Variants in SCARA3 observed in about 807,000 individuals in gnomAD.
The protein encoded by SCARA3 is cellular stress response gene protein.
Under a neutral mutation model 47.0 loss-of-function variants are expected in SCARA3, and 39 were observed. The ratio of observed to expected loss-of-function variants is 0.83; its 90% CI spans 0.64 to 1.08. The LOEUF (loss-of-function observed/expected upper bound fraction) is 1.08. Among genes scored for constraint, SCARA3 ranks in the 50% least tolerant of loss-of-function variants. The pLI is 0.00. For synonymous variants in SCARA3, 356 were observed against 334.1 expected, an observed-to-expected ratio of 1.07 and a Z score of -0.71; for missense variants, 724 against 792.3, an observed-to-expected ratio of 0.91 and a Z score of 1.04.
In SCARA3 at chr8:27,659,181, C is replaced by T; in HGVS notation, c.1011C>T (p.Asn337=). The T allele has an allele frequency of 6.2e-7, 1 of 1,614,182 alleles. No homozygotes were observed. The highest frequency in any genetic ancestry group is 8.5e-7 in the Non-Finnish European group (1 of 1,180,030). The change falls in exon 5 of 6, where the codon AAC becomes AAT. Residue 337 remains asparagine (N), a synonymous_variant. Transcript: ENST00000301904. The stretch of plus-strand genomic sequence containing the variant: ...AGTACCATACCCACTACGCCCAGAA[C>T]CGCACTGTGGAGAGGTTTGAGTCTC... The part of the protein sequence containing the change: ...DLQYHTHYAQ[N]RTVERFESLE...
downstream of SCARA3, among the ~76,000 whole-genome samples, chr8:27,681,452 A>G (rs1802353011): frequency 6.6e-6 from 1 of 152,210 alleles, no homozygotes; most frequent in South Asian, 2.1e-4. Context: ...GACTGGGTGC[A>G]GTGGCTTACT....
rs548032727 is a variant in SCARA3 at position 27,655,597 on chromosome 8, C to T, written c.227-1185C>T. On this transcript the variant is annotated intron_variant, in intron 3 of 5. Coordinates refer to ENST00000301904, the MANE Select transcript of SCARA3 (RefSeq NM_016240.3). ...TTCAAAAATGTTAATACCCTAGGTC[C>T]CATAATTCTATTTTAAGCAATTTAT... is the stretch of plus-strand genomic sequence containing the variant. 3.3e-5 allele frequency among the ~76,000 whole-genome samples: 5 copies of T among 152,064 alleles called. No homozygotes were observed. In the South Asian group the frequency reaches 1.0e-3, roughly 32 times the overall value.
downstream of SCARA3, among the ~76,000 whole-genome samples, chr8:27,677,280 G>A (rs934491958): frequency 6.6e-6 from 1 of 152,184 alleles, no homozygotes; most frequent in Non-Finnish European, 1.5e-5. Flanking sequence ...ATAGTCTTAT[G>A]GGAAGAAGAA....
the SCARA3 span, among the ~76,000 whole-genome samples, chr8:27,682,140 A>G: frequency 1.3e-5 from 2 of 152,300 alleles, no homozygotes; most frequent in East Asian, 1.9e-4. Context: ...ATAATAGTCA[A>G]TTGCATTTTT....
At chr8:27,689,965 A>G in the SCARA3 span, among the ~76,000 whole-genome samples, 1 of 152,198 alleles carries the variant, frequency 6.6e-6, no homozygotes. Flanking sequence ...CTCTACCAAA[A>G]TAAATAAATA....
Position 27,655,575 on chromosome 8 carries a change from A to T in SCARA3, c.227-1207A>T, listed in dbSNP as rs534356452. 2.2e-4 allele frequency among the ~76,000 whole-genome samples: 34 copies of T among 152,352 alleles called. 1 individual carries two copies. Among genetic ancestry groups the T allele is most frequent in the African/African-American group, 7.7e-4 (32 of 41,584 alleles). ...TTTGGCAGCTTGTATCAAGGACTTC[A>T]AAAATGTTAATACCCTAGGTCCCAT... is the stretch of plus-strand genomic sequence containing the variant. On this transcript the variant is annotated intron_variant, in intron 3 of 5. Coordinates refer to ENST00000301904, the MANE Select transcript of SCARA3 (RefSeq NM_016240.3).
rs1801446411 is a variant in SCARA3, at chr8:27,644,299, A to G, written c.8-5403A>G. Among the ~76,000 whole-genome samples, 3 of 152,310 alleles carry G rather than the reference A, an allele frequency of 2.0e-5. No individual in the cohort carries two copies. In the South Asian group the frequency reaches 6.2e-4, roughly 32 times the overall value. ...TGCGATTTGGGTAGTAATCACTGCA[A>G]GAAGATTGGGGCCTGGCTGTGCCTT... On this transcript the variant is annotated intron_variant, in intron 1 of 5. Transcript: ENST00000301904.
chr8:27,644,945 C>T (rs1017054630), intron 1 of SCARA3, among the ~76,000 whole-genome samples: 39 of 152,090 alleles, frequency 2.6e-4, no homozygotes, highest in African/African-American at 8.9e-4. Flanking sequence ...CAAACAAGAA[C>T]CCTTGGAGCT....
the SCARA3 span, among the ~76,000 whole-genome samples, chr8:27,690,208 T>G: frequency 6.6e-6 from 1 of 152,170 alleles, no homozygotes; most frequent in Non-Finnish European, 1.5e-5. Context: ...AGCGTATATC[T>G]TGGTATCTCT....
the SCARA3 span, among the ~76,000 whole-genome samples, chr8:27,731,579 T>G: frequency 6.8e-6 from 1 of 146,976 alleles, no homozygotes; most frequent in Non-Finnish European, 1.5e-5. Flanking sequence ...GAGACGGAGG[T>G]TGCAGTGAGC....
At chr8:27,709,903 G>A in the SCARA3 span, among the ~76,000 whole-genome samples, 9 of 152,164 alleles carry the variant, frequency 5.9e-5, no homozygotes, top group South Asian at 1.9e-3. Flanking sequence ...GGACCCAGCT[G>A]TCAGGATCCC....
chr8:27,682,412 C>A, the SCARA3 span, among the ~76,000 whole-genome samples: 12 of 152,024 alleles, frequency 7.9e-5, no homozygotes, highest in Admixed American at 7.9e-4. Context: ...AATTGATAAG[C>A]TGGATTTTAT....
intron 1 of SCARA3, among the ~76,000 whole-genome samples, chr8:27,648,693 C>A (rs1308561566): frequency 6.6e-6 from 1 of 151,860 alleles, no homozygotes; most frequent in East Asian, 1.9e-4. Flanking sequence ...AAAATGTAGA[C>A]ATTAAATAAA....
chr8:27,713,439 C>G, the SCARA3 span, among the ~76,000 whole-genome samples: 1 of 152,188 alleles, frequency 6.6e-6, no homozygotes, highest in Non-Finnish European at 1.5e-5. Flanking sequence ...AATCAATAAG[C>G]GTTTCACGGA....
chr8:27,656,628 G>A (rs773957537), intron 3 of SCARA3, among the ~76,000 whole-genome samples, 154 bp from the exon 4 acceptor site: 7 of 152,114 alleles, frequency 4.6e-5, no homozygotes, highest in African/African-American at 1.7e-4. Flanking sequence ...CTGGCCATAA[G>A]AAGTATCTTC....
At chr8:27,722,180 C>T in the SCARA3 span, among the ~76,000 whole-genome samples, 6 of 152,186 alleles carry the variant, frequency 3.9e-5, no homozygotes, top group South Asian at 6.2e-4. Flanking sequence ...AATATGTATT[C>T]GATTGTGGTT....
downstream of SCARA3, among the ~76,000 whole-genome samples, chr8:27,679,559 C>T (rs1361460366): frequency 6.6e-6 from 1 of 152,100 alleles, no homozygotes; most frequent in Non-Finnish European, 1.5e-5. Context: ...AGTGATAGGT[C>T]AAGTAGGCTA....
chr8:27,692,083 T>C, the SCARA3 span, among the ~76,000 whole-genome samples: 1 of 152,132 alleles, frequency 6.6e-6, no homozygotes, highest in African/African-American at 2.4e-5. Flanking sequence ...TATACCCTCC[T>C]CCCTTTGGAA....
At chr8:27,637,570 C>T (rs902262800) in intron 1 of SCARA3, among the ~76,000 whole-genome samples, 1 of 152,104 alleles carries the variant, frequency 6.6e-6, no homozygotes, top group Non-Finnish European at 1.5e-5. Context: ...CTGAGCACCA[C>T]TTGGGGAGCG....
Sources: allele counts gnomAD v4.1 joint callset (sites outside exome capture counted in the v4.1 genomes callset), GRCh38; gene constraint gnomAD v4.1.1; transcripts MANE v1.5; gene names NCBI Gene and HGNC (gene_info 2026-07-23, HGNC 2026-07-21).